PRKN: variants seen among roughly 807,000 people sequenced by gnomAD.
PRKN encodes E3 ubiquitin-protein ligase parkin.
In PRKN, 56 loss-of-function variants were observed where a neutral mutation model predicts 59.5. That is an observed-to-expected ratio of 0.94 (90% CI 0.76 to 1.18). PRKN has a LOEUF of 1.18. Among genes scored for constraint, PRKN ranks in the 50% most tolerant of loss-of-function variants. The pLI is 0.00. For missense variants in PRKN, 657 were observed against 596.4 expected, an observed-to-expected ratio of 1.10 and a Z score of -1.06; for synonymous variants, 250 against 222.1, an observed-to-expected ratio of 1.13 and a Z score of -1.12.
chr6:161,828,545 T>A (rs1792341542), intron 6 of PRKN, among the ~76,000 whole-genome samples: 1 of 152,152 alleles, frequency 6.6e-6, no homozygotes, highest in South Asian at 2.1e-4. Context: ...TTGCTTTTCC[T>A]GCCCCTCCCA....
chr6:161,806,677 T>C (rs1011755005), intron 6 of PRKN, among the ~76,000 whole-genome samples: 1 of 152,188 alleles, frequency 6.6e-6, no homozygotes, highest in Non-Finnish European at 1.5e-5. Context: ...CAATGCAGGA[T>C]GCAAGACAAG....
intron 6 of PRKN, among the ~76,000 whole-genome samples, chr6:161,939,765 A>C (rs1035632874): frequency 2.6e-5 from 4 of 152,146 alleles, no homozygotes; most frequent in African/African-American, 4.8e-5. Context: ...GGCAGATGTT[A>C]AAAACAATTT....
At chr6:162,069,444 G>A (rs1314727719) in intron 4 of PRKN, among the ~76,000 whole-genome samples, 1 of 152,132 alleles carries the variant, frequency 6.6e-6, no homozygotes, top group Non-Finnish European at 1.5e-5. Context: ...GAGATATTAA[G>A]AAATAAATAC....
intron 1 of PRKN, among the ~76,000 whole-genome samples, chr6:162,616,886 C>T (rs979821908): frequency 6.6e-6 from 1 of 152,114 alleles, no homozygotes; most frequent in Non-Finnish European, 1.5e-5. Context: ...ACAGAATTCT[C>T]ACACTTAAAA....
chr6:161,933,535 T>A (rs983408000), intron 6 of PRKN, among the ~76,000 whole-genome samples: 1 of 152,200 alleles, frequency 6.6e-6, no homozygotes, highest in East Asian at 1.9e-4. Context: ...ACTCCGTAGC[T>A]TAGTATTGTT....
At chr6:162,523,250 G>A (rs1024849953) in intron 1 of PRKN, among the ~76,000 whole-genome samples, 8 of 152,304 alleles carry the variant, frequency 5.3e-5, no homozygotes, top group Middle Eastern at 6.8e-3. Flanking sequence ...GGGAGTCAAG[G>A]GAGACCAAGG....
At chr6:161,571,564 G>T (rs1780891197) in intron 7 of PRKN, among the ~76,000 whole-genome samples, 1 of 152,188 alleles carries the variant, frequency 6.6e-6, no homozygotes, top group Non-Finnish European at 1.5e-5. Context: ...ACCAACAGAA[G>T]AAAATGGAAT....
intron 3 of PRKN, among the ~76,000 whole-genome samples, chr6:162,239,378 C>T (rs1778890419): frequency 6.6e-6 from 1 of 152,028 alleles, no homozygotes; most frequent in South Asian, 2.1e-4. Context: ...TTTTGTAATG[C>T]AAGATATTTG....
At chr6:162,629,969 T>A (rs1423781501) in intron 1 of PRKN, among the ~76,000 whole-genome samples, 3 of 152,174 alleles carry the variant, frequency 2.0e-5, no homozygotes, top group African/African-American at 7.2e-5. Context: ...TACTTCTTTA[T>A]CCAATTGGAT....
At position 161,468,355 on chromosome 6, in the gene PRKN, G is replaced by A. The variant is rs187986407; in HGVS notation, c.1083+80499C>T. Among the ~76,000 whole-genome samples, 200 of 152,182 alleles carry A rather than the reference G, an allele frequency of 1.3e-3. No individual in the cohort carries two copies. The highest frequency in any genetic ancestry group is 4.6e-3 in the African/African-American group (190 of 41,524). On this transcript the variant is annotated intron_variant, in intron 9 of 11. Transcript: ENST00000366898. The surrounding 1 kb of genome is among the most constrained non-coding windows in gnomAD (Gnocchi z 5.9). ...TCTGAAATAGTGTACTACGCCAGGT[G>A]TAGACAGGAAGAGAGAAGAGGCAGT...
At chr6:161,748,732 G>A (rs1468748234) in intron 7 of PRKN, among the ~76,000 whole-genome samples, 2 of 152,076 alleles carry the variant, frequency 1.3e-5, no homozygotes, top group Admixed American at 1.3e-4. Flanking sequence ...GAAGACGCGG[G>A]GAGTGTATGG....
intron 4 of PRKN, among the ~76,000 whole-genome samples, chr6:162,094,345 G>A (rs1245464770): frequency 6.6e-6 from 1 of 152,064 alleles, no homozygotes; most frequent in Non-Finnish European, 1.5e-5. Context: ...TGAGCCGGGT[G>A]TGGTGGCACG....
chr6:162,464,611 C>G (rs1447501871), intron 1 of PRKN, among the ~76,000 whole-genome samples: 3 of 132,754 alleles, frequency 2.3e-5, no homozygotes. Context: ...GTCAGGAGAT[C>G]AAGACCATCC....
chr6:162,599,550 C>T (rs1210378483), intron 1 of PRKN, among the ~76,000 whole-genome samples: 6 of 152,134 alleles, frequency 3.9e-5, no homozygotes, highest in Admixed American at 6.5e-5. Flanking sequence ...ATAATACGCC[C>T]GGCAGAGGCA....
chr6:162,474,733 C>G (rs1442215030), intron 1 of PRKN, among the ~76,000 whole-genome samples: 1 of 152,164 alleles, frequency 6.6e-6, no homozygotes. Flanking sequence ...AGATGATGAT[C>G]TTGTGATCTG....
chr6:162,085,086 A>G (rs1416595607), intron 4 of PRKN, among the ~76,000 whole-genome samples: 1 of 150,730 alleles, frequency 6.6e-6, no homozygotes, highest in Non-Finnish European at 1.5e-5. Flanking sequence ...CTCACTCCTC[A>G]TGCAGTGAGA....
At chr6:161,559,527 G>A (rs1780373583) in intron 8 of PRKN, among the ~76,000 whole-genome samples, 1 of 152,218 alleles carries the variant, frequency 6.6e-6, no homozygotes, top group African/African-American at 2.4e-5. Context: ...TCAGATAAAT[G>A]AGCGTTGCCT....
Position 161,549,892 on chromosome 6 carries a change from T to C in PRKN, c.934-889A>G, listed in dbSNP as rs768053336. On this transcript the variant is annotated intron_variant, in intron 8 of 11. Coordinates refer to ENST00000366898, the MANE Select transcript of PRKN (RefSeq NM_004562.3). This position sits in a 1 kb window ranked among gnomAD's most constrained non-coding sequence, Gnocchi z 6.0. ...ACTTCTCCGCCTTCATCCACAGCAC[T>C]GTAACAGTCAATACCGAGAGGTTAG... Among the ~76,000 whole-genome samples, 10 of 152,200 alleles carry C rather than the reference T, an allele frequency of 6.6e-5. No individual in the cohort carries two copies. Among genetic ancestry groups the C allele is most frequent in the Admixed American group, 1.3e-4 (2 of 15,282 alleles).
intron 3 of PRKN, among the ~76,000 whole-genome samples, chr6:162,259,091 C>A (rs985460378): frequency 1.3e-5 from 2 of 152,130 alleles, no homozygotes; most frequent in African/African-American, 4.8e-5. Context: ...ATTGGGATTT[C>A]TTTTAATCTC....
Sources: gnomAD v4.1 joint callset for allele counts (sites outside exome capture counted in the v4.1 genomes callset) on GRCh38, gnomAD v4.1.1 for gene constraint, Gnocchi (gnomAD v3.1) non-coding constraint, MANE v1.5 for transcripts, NCBI Gene and HGNC (gene_info 2026-07-23, HGNC 2026-07-21) for gene names.